The following RSPH14 variants were observed in gnomAD, a reference collection of about 807,000 sequenced individuals.
RSPH14 encodes rhabdoid tumor deletion region gene 1.
A neutral mutation model predicts 26.7 loss-of-function variants in RSPH14; 20 were observed. The ratio of observed to expected loss-of-function variants is 0.75; its 90% CI spans 0.53 to 1.09. The LOEUF is 1.09. Among genes scored for constraint, RSPH14 ranks in the 50% least tolerant of loss-of-function variants. The pLI is 0.00. For synonymous variants in RSPH14, 177 were observed against 189.3 expected (o/e 0.93, Z 0.53); for missense variants, 449 against 457.2 (o/e 0.98, Z 0.16).
At chr22:23,138,151 G>A (rs186801259) in intron 3 of RSPH14, among the ~76,000 whole-genome samples, 1 of 152,292 alleles carries the variant, frequency 6.6e-6, no homozygotes, top group Non-Finnish European at 1.5e-5. Flanking sequence ...ACAGGGACAG[G>A]AGCCAAAGCC....
chr22:23,133,423 T>C (rs981883697), intron 4 of RSPH14, among the ~76,000 whole-genome samples: 1 of 152,234 alleles, frequency 6.6e-6, no homozygotes, highest in Non-Finnish European at 1.5e-5. Flanking sequence ...AAATTGAAGA[T>C]ACCATTTATC....
upstream of RSPH14, chr22:23,145,624 G>C (rs1267982059): frequency 6.8e-7 from 1 of 1,473,320 alleles, no homozygotes; most frequent in African/African-American, 1.4e-5. Context: ...CGAGGCCAGG[G>C]CCGCGAGGGC....
upstream of RSPH14, among the ~76,000 whole-genome samples, chr22:23,149,887 C>T (rs1270610087): frequency 6.6e-6 from 1 of 152,216 alleles, no homozygotes; most frequent in East Asian, 1.9e-4. Flanking sequence ...CCCAGAGCCT[C>T]AAGGCTGAGG....
chr22:23,106,697 G>A (rs553556277), intron 4 of RSPH14, among the ~76,000 whole-genome samples: 6 of 152,386 alleles, frequency 3.9e-5, no homozygotes, highest in East Asian at 3.9e-4. Flanking sequence ...AGACGTGAGC[G>A]GTTGGCAGAG....
intron 4 of RSPH14, chr22:23,124,698 G>A (rs2070131081): frequency 5.1e-6 from 1 of 194,212 alleles, no homozygotes; most frequent in African/African-American, 2.4e-5. Context: ...GAAATGCTCT[G>A]ACTCCTGTGA....
chr22:23,062,084 C>A, intron 5 of RSPH14, 139 bp from the exon 6 acceptor site: 1 of 1,058,904 alleles, frequency 9.4e-7, no homozygotes. Context: ...TCCCCATGAT[C>A]CAGGACTGGT....
intron 4 of RSPH14, among the ~76,000 whole-genome samples, chr22:23,107,632 C>T (rs1010216667): frequency 6.6e-6 from 1 of 151,990 alleles, no homozygotes; most frequent in Non-Finnish European, 1.5e-5. Flanking sequence ...AGCAGGGGTC[C>T]CAAGCACAGT....
At chr22:23,134,196 C>T (rs1428945633) in intron 3 of RSPH14, 52 bp from the exon 4 acceptor site, 3 of 1,372,162 alleles carry the variant, frequency 2.2e-6, no homozygotes, top group Non-Finnish European at 2.0e-6. Context: ...CCCTGAGAGG[C>T]TCAAATTAGA....
chr22:23,123,275 C>A, intron 4 of RSPH14: 1 of 1,613,918 alleles, frequency 6.2e-7, no homozygotes. Flanking sequence ...CTGTCTACAT[C>A]CAGCGGCAGT....
At chr22:23,069,308 G>A (rs1211816720) in intron 4 of RSPH14, among the ~76,000 whole-genome samples, 1 of 152,188 alleles carries the variant, frequency 6.6e-6, no homozygotes, top group Non-Finnish European at 1.5e-5. Flanking sequence ...GCGTTAGCTG[G>A]GAAGGCATTT....
Position 23,059,710 on chromosome 22 carries a change from C to A in RSPH14, c.799G>T (p.Ala267Ser). ...CCGATGGCTTGTGCCTCCAGGGCCG[C>A]ATACTTCCCTGCAGGCCACCAACAC... ...FATVITEGKY[A>S]ALEAQAIGLL... is the part of the protein sequence containing the mutation. The change falls in exon 7 of 7, where the codon GCG becomes TCG. Residue 267 changes from alanine (A) to serine (S), a missense_variant. Coordinates refer to ENST00000216036, the MANE Select transcript of RSPH14 (RefSeq NM_014433.3). 1 of 1,527,470 alleles carries A rather than the reference C, an allele frequency of 6.5e-7. No homozygotes were observed. The allele number at this position is 1,527,470 out of a possible 1,614,324, so 94.6% of individuals were successfully genotyped here.
the RSPH14 span, among the ~76,000 whole-genome samples, chr22:23,166,147 TAAAAAAAAAAAAAAAA>T: frequency 1.7e-4 from 10 of 59,886 alleles, no homozygotes; most frequent in African/African-American, 2.1e-4. Context: ...CTCTGTCTTT[TAAAAAAAAAAAAAAAA>T]AAAAAAAAAA....
intron 4 of RSPH14, among the ~76,000 whole-genome samples, chr22:23,077,113 C>T (rs1198648171): frequency 2.0e-5 from 3 of 152,102 alleles, no homozygotes; most frequent in African/African-American, 2.4e-5. Flanking sequence ...GCAGCGGGCA[C>T]GGGAGGCAGG....
chr22:23,141,327 C>CAAAAA (rs35460609), intron 1 of RSPH14, among the ~76,000 whole-genome samples: 1 of 82,320 alleles, frequency 1.2e-5, no homozygotes, highest in East Asian at 3.6e-4. Flanking sequence ...GACTCCGTCT[C>CAAAAA]AAAAAAAAAA....
At chr22:23,156,164 AGG>A in the RSPH14 span, 19 of 527,380 alleles carry the variant, frequency 3.6e-5, no homozygotes, top group Non-Finnish European at 5.6e-5. Context: ...AGAAAACACC[AGG>A]CCACTGCTTG....
At chr22:23,126,921 G>A (rs531472269) in intron 4 of RSPH14, among the ~76,000 whole-genome samples, 2 of 152,350 alleles carry the variant, frequency 1.3e-5, no homozygotes, top group African/African-American at 4.8e-5. Flanking sequence ...CAGTGGTCAC[G>A]ATAATCCCAG....
the RSPH14 span, chr22:23,152,475 A>AGGT: frequency 6.2e-7 from 1 of 1,614,174 alleles, no homozygotes; most frequent in Non-Finnish European, 8.5e-7. Context: ...AAACTCTCCA[A>AGGT]GGTGGTGGTG....
chr22:23,059,735 C>G lies in RSPH14; in HGVS notation c.791-17G>C. The G allele has an allele frequency of 6.6e-7, 1 of 1,507,016 alleles. No homozygotes were observed. The highest frequency in any genetic ancestry group is 2.3e-5 in the East Asian group (1 of 43,982). The allele number at this position is 1,507,016 out of a possible 1,614,324, so 93.4% of individuals were successfully genotyped here. A position where few individuals can be genotyped will look rare whatever the true frequency, so the allele number is the denominator to read the frequency against. ...CATACTTCCCTGCAGGCCACCAACA[C>G]AAGGCGTTCCAAACAGCCCAAGGGG... On this transcript the variant is annotated splice_polypyrimidine_tract_variant and intron_variant, in intron 6 of 6. Coordinates refer to ENST00000216036, the MANE Select transcript of RSPH14 (RefSeq NM_014433.3).
At chr22:23,142,124 G>C, upstream of RSPH14, 2 of 753,550 alleles carry the variant, frequency 2.7e-6, no homozygotes, top group Non-Finnish European at 1.6e-6. Flanking sequence ...TGCAAAGCGG[G>C]AACAATCATT....
Sources: gnomAD v4.1 joint callset for allele counts (sites outside exome capture counted in the v4.1 genomes callset) on GRCh38, gnomAD v4.1.1 for gene constraint, MANE v1.5 for transcripts, NCBI Gene and HGNC (gene_info 2026-07-23, HGNC 2026-07-21) for gene names.